Variants in SCGB3A1 observed in about 807,000 individuals in gnomAD.
SCGB3A1 encodes secretoglobin family 3A member 1.
A neutral mutation model predicts 7.6 loss-of-function variants in SCGB3A1; 7 were observed. That is an observed-to-expected ratio of 0.93 (90% CI 0.53 to 1.74). The LOEUF is 1.74. Ranked by LOEUF, SCGB3A1 falls within the 40% of genes most tolerant of loss-of-function variation. SCGB3A1 has a pLI of 0.00. For missense variants in SCGB3A1, 119 were observed against 129.0 expected (o/e 0.92, Z 0.38); for synonymous variants, 67 against 66.6 (o/e 1.01, Z -0.03).
rs753547037 is a variant in SCGB3A1 at position 180,590,738 on chromosome 5, G to T, written c.153C>A (p.Leu51=). The T allele has an allele frequency of 1.3e-6, 2 of 1,582,448 alleles. No individual in the cohort carries two copies. Among genetic ancestry groups the T allele is most frequent in the African/African-American group, 1.3e-5 (1 of 74,100 alleles). Reference sequence around the variant, plus strand: ...GGAGCTTCAGCGGGTTGAGGGTGCCGAGGGGGTTGGCCAGGGTCCCGGCCC... The same window carrying T: ...GGAGCTTCAGCGGGTTGAGGGTGCCTAGGGGGTTGGCCAGGGTCCCGGCCC... ...EAGAGTLANP[L]GTLNPLKLLL... Residue 51 remains leucine, a synonymous_variant, in exon 2 of 3, where the codon CTC becomes CTA. Coordinates refer to ENST00000292641, the MANE Select transcript of SCGB3A1 (RefSeq NM_052863.3).
Position 180,590,782 on chromosome 5 carries a change from C to G in SCGB3A1, c.109G>C (p.Glu37Gln). 6.3e-7 allele frequency: 1 copy of G among 1,597,654 alleles called. No individual in the cohort carries two copies. Among genetic ancestry groups the G allele is most frequent in the Non-Finnish European group, 8.5e-7 (1 of 1,172,738 alleles). The change falls in exon 2 of 3, where the codon GAG (glutamate) becomes CAG (glutamine). Residue 37 changes from glutamate (E) to glutamine (Q), a missense_variant. Coordinates refer to ENST00000292641, the MANE Select transcript of SCGB3A1 (RefSeq NM_052863.3). ...CCGGCCCCGGCCTCCGCCGCCGACT[C>G]CAGCGCAGCGACAGGCTGGGCCACA... Reference protein sequence around the residue: ...KPVAQPVAALESAAEAGAGTL... With the variant: ...KPVAQPVAALQSAAEAGAGTL...
chr5:180,590,311 G>A (rs534857689), intron 2 of SCGB3A1, 57 bp from the exon 3 acceptor site: 6 of 1,554,604 alleles, frequency 3.9e-6, no homozygotes, highest in East Asian at 2.4e-5. Flanking sequence ...GAACTCAGGC[G>A]GGGGCGCGGC....
At chr5:180,591,291 TG>T in intron 1 of SCGB3A1, 119 bp downstream of exon 1, 3 of 856,946 alleles carry the variant, frequency 3.5e-6, no homozygotes, top group Non-Finnish European at 4.6e-6. Context: ...CGGAGCCCTC[TG>T]GGCGCCGGGC....
Position 180,590,184 on chromosome 5 carries a change from C to A in SCGB3A1, c.*47G>T. On this transcript the variant is annotated 3_prime_UTR_variant, in exon 3 of 3. Coordinates refer to ENST00000292641, the MANE Select transcript of SCGB3A1 (RefSeq NM_052863.3). ...CCCGCGGCGGGGTTTTCAGCCCTCG[C>A]GGGTGGGCAGCGTCTTGTCCTCAGG... 9 of 1,566,956 alleles carry A rather than the reference C, an allele frequency of 5.7e-6. No individual in the cohort carries two copies. The South Asian group carries it at 1.1e-4, about 18-fold the overall frequency.
chr5:180,591,299 G>A (rs149953239), intron 1 of SCGB3A1, 112 bp downstream of exon 1: 1 of 932,184 alleles, frequency 1.1e-6, no homozygotes, highest in African/African-American at 1.7e-5. Flanking sequence ...TCTGGGCGCC[G>A]GGCGAGGCTG....
intron 1 of SCGB3A1, 75 bp from the exon 2 acceptor site, chr5:180,590,913 G>A: frequency 3.5e-6 from 4 of 1,140,908 alleles, no homozygotes; most frequent in Non-Finnish European, 4.9e-6. Context: ...GCGCCCCCGC[G>A]GGAGGCGCCC....
intron 1 of SCGB3A1, 198 bp downstream of exon 1, chr5:180,591,213 C>T (rs898826482): frequency 1.2e-5 from 5 of 412,598 alleles, no homozygotes; most frequent in African/African-American, 4.1e-5. Context: ...GCCTCCATCC[C>T]GGCACGAGGC....
At chr5:180,591,064 G>A (rs1761306441) in intron 1 of SCGB3A1, 2 of 511,230 alleles carry the variant, frequency 3.9e-6, no homozygotes, top group Non-Finnish European at 6.8e-6. Context: ...GGAGTGGCCT[G>A]AGGGTGGCGG....
chr5:180,591,475 C>T lies in SCGB3A1; in HGVS notation c.-13G>A, dbSNP rs530660800. 1.6e-4 allele frequency: 194 copies of T among 1,228,204 alleles called. No individual in the cohort carries two copies. The Admixed American group carries it at 2.1e-3, about 13-fold the overall frequency. The allele number at this position is 1,228,204 out of a possible 1,614,324, so 76.1% of individuals were successfully genotyped here. A position where few individuals can be genotyped will look rare whatever the true frequency, so the allele number is the denominator to read the frequency against. ...CGGCGAGCTTCATGGCGCGGGGGCT[C>T]GGGGCGCGCGGGGAACCTGCGGCTG... On this transcript the variant is annotated 5_prime_UTR_variant, in exon 1 of 3. Transcript: ENST00000292641.
At chr5:180,591,328 G>T (rs544731649) in intron 1 of SCGB3A1, 83 bp downstream of exon 1, 1 of 1,098,132 alleles carries the variant, frequency 9.1e-7, no homozygotes, top group Non-Finnish European at 1.1e-6. Flanking sequence ...TGGGATCCAC[G>T]ATCGGCGCAG....
chr5:180,590,319 G>A, intron 2 of SCGB3A1, 65 bp from the exon 3 acceptor site: 1 of 1,545,102 alleles, frequency 6.5e-7, no homozygotes, highest in African/African-American at 1.4e-5. Flanking sequence ...GCGGGGGCGC[G>A]GCAGCGGCCG....
rs115682590 is a variant in SCGB3A1 at position 180,590,352 on chromosome 5, G to A, written c.292-98C>T. On this transcript the variant is annotated intron_variant, in intron 2 of 2. Transcript: ENST00000292641. ...CCGGCTCTGTGGGGAGCGGGAGCGGGGCGGTTCCGCTGGCGTCTCCGGGGG... is the reference window on the plus strand; with the variant it reads ...CCGGCTCTGTGGGGAGCGGGAGCGGAGCGGTTCCGCTGGCGTCTCCGGGGG... 11,947 of 1,485,618 alleles carry A rather than the reference G, an allele frequency of 8.0e-3. 374 individuals are homozygous for A. The East Asian group carries it at 0.095, about 12-fold the overall frequency. The allele number at this position is 1,485,618 out of a possible 1,614,324, so 92.0% of individuals were successfully genotyped here.
chr5:180,591,058 TG>T, intron 1 of SCGB3A1: 1 of 514,790 alleles, frequency 1.9e-6, no homozygotes, highest in East Asian at 3.4e-5. Flanking sequence ...GTCACCGGAG[TG>T]GCCTGAGGGT....
chr5:180,590,526 AC>A (rs1358441023), intron 2 of SCGB3A1, 73 bp downstream of exon 2: 7 of 1,223,124 alleles, frequency 5.7e-6, no homozygotes, highest in Non-Finnish European at 7.0e-6. Flanking sequence ...GGGCCGGGAC[AC>A]CTCTGGTGCA....
chr5:180,590,322 A>G, intron 2 of SCGB3A1, 68 bp from the exon 3 acceptor site: 5 of 1,546,450 alleles, frequency 3.2e-6, no homozygotes, highest in Non-Finnish European at 4.4e-6. Context: ...GGGGCGCGGC[A>G]GCGGCCGGCT....
At chr5:180,590,889 G>T in intron 1 of SCGB3A1, 51 bp from the exon 2 acceptor site, 2 of 1,424,850 alleles carry the variant, frequency 1.4e-6, no homozygotes, top group Non-Finnish European at 9.6e-7. Context: ...GTCCCCAGAA[G>T]GCAGGTCCAG....
rs1463073922 is a variant in SCGB3A1 at position 180,591,123 on chromosome 5, G to A, written c.53-285C>T. 6 of 432,652 alleles carry A rather than the reference G, an allele frequency of 1.4e-5. No homozygotes were observed. The Admixed American group carries it at 2.7e-4, about 19-fold the overall frequency. The allele number at this position is 432,652 out of a possible 1,614,324, so 26.8% of individuals were successfully genotyped here. A position where few individuals can be genotyped will look rare whatever the true frequency, so the allele number is the denominator to read the frequency against. On this transcript the variant is annotated intron_variant, in intron 1 of 2. Coordinates refer to ENST00000292641, the MANE Select transcript of SCGB3A1 (RefSeq NM_052863.3). ...GGTCCGGGACAGGCCCCCAAGGGAG[G>A]GGACACTCGCGCTGCGCCTTGCAGG...
intron 2 of SCGB3A1, 144 bp from the exon 3 acceptor site, chr5:180,590,398 A>G: frequency 8.6e-7 from 1 of 1,161,484 alleles, no homozygotes; most frequent in East Asian, 2.6e-5. Context: ...GCGCGGGGCC[A>G]TCTCCGCCTT....
rs1438526639 is a variant in SCGB3A1, at chr5:180,590,222, A to C, written c.*9T>G. On this transcript the variant is annotated 3_prime_UTR_variant, in exon 3 of 3. Coordinates refer to ENST00000292641, the MANE Select transcript of SCGB3A1 (RefSeq NM_052863.3). ...TCTTGTCCTCAGGTGTAGATGCTCC[A>C]GTCTCGGCTCAGCCAAACACTGTCA... is the stretch of plus-strand genomic sequence containing the variant. The C allele has an allele frequency of 1.3e-6, 2 of 1,581,966 alleles. No individual in the cohort carries two copies. The highest frequency in any genetic ancestry group is 1.2e-5 in the South Asian group (1 of 86,226).
Sources: allele counts gnomAD v4.1 joint callset, GRCh38; gene constraint gnomAD v4.1.1; transcripts MANE v1.5; gene names NCBI Gene and HGNC (gene_info 2026-07-23, HGNC 2026-07-21).